Variants in UNC13B observed in about 807,000 individuals in gnomAD.
UNC13B encodes protein unc-13 homolog B.
Under a neutral mutation model 211.0 loss-of-function variants are expected in UNC13B, and 144 were observed. That is an observed-to-expected ratio of 0.68 (90% CI 0.60 to 0.78). UNC13B has a LOEUF of 0.78. Among genes scored for constraint, UNC13B ranks in the 30% least tolerant of loss-of-function variants. The pLI, the probability that UNC13B is intolerant of heterozygous loss-of-function variation, is 0.00. For synonymous variants in UNC13B, 709 were observed against 725.8 expected (o/e 0.98, Z 0.37); for missense variants, 1,777 against 2,002.0 (o/e 0.89, Z 2.14).
At chr9:35,249,093 C>T (rs1410229607) in intron 6 of UNC13B, among the ~76,000 whole-genome samples, 2 of 151,990 alleles carry the variant, frequency 1.3e-5, no homozygotes, top group Non-Finnish European at 2.9e-5. Flanking sequence ...TGAATTGATC[C>T]CTTTCCCATT....
chr9:35,364,667 A>G (rs1833661366), intron 11 of UNC13B: 9 of 1,284,826 alleles, frequency 7.0e-6, no homozygotes, highest in Admixed American at 2.2e-5. Context: ...GTGTGTGTAC[A>G]TGCACATGTG....
intron 11 of UNC13B, among the ~76,000 whole-genome samples, chr9:35,317,942 A>C (rs1054025108): frequency 6.6e-6 from 1 of 152,144 alleles, no homozygotes; most frequent in African/African-American, 2.4e-5. Flanking sequence ...TCTTCCTATA[A>C]AGCAAAGCAA....
At chr9:35,353,185 C>T (rs1214133847) in intron 11 of UNC13B, 16 of 1,231,922 alleles carry the variant, frequency 1.3e-5, no homozygotes, top group Middle Eastern at 3.1e-4. Flanking sequence ...GTGCTGCTCA[C>T]GTCCTCAAGG....
intron 2 of UNC13B, among the ~76,000 whole-genome samples, chr9:35,228,444 G>A (rs956926550): frequency 1.3e-5 from 2 of 151,734 alleles, no homozygotes; most frequent in East Asian, 1.9e-4. Context: ...CCATTAACTC[G>A]TCATTTACAT....
chr9:35,361,583 A>G (rs1833415631), intron 11 of UNC13B: 1 of 152,246 alleles, frequency 6.6e-6, no homozygotes, highest in Non-Finnish European at 1.5e-5. Context: ...CCCTCAGGCT[A>G]CAAAGGTGAA....
intron 11 of UNC13B, among the ~76,000 whole-genome samples, chr9:35,355,465 A>T (rs1832966894): frequency 1.3e-5 from 2 of 152,214 alleles, no homozygotes; most frequent in African/African-American, 4.8e-5. Flanking sequence ...AACTTATCAA[A>T]AAGAGTCTAA....
At chr9:35,195,987 C>T (rs1173304589) in intron 1 of UNC13B, among the ~76,000 whole-genome samples, 2 of 152,184 alleles carry the variant, frequency 1.3e-5, no homozygotes, top group Admixed American at 6.5e-5. Flanking sequence ...CATATACATG[C>T]ATACATATAT....
chr9:35,398,336 G>A (rs1163828356), intron 31 of UNC13B, 48 bp downstream of exon 31: 2 of 1,583,394 alleles, frequency 1.3e-6, no homozygotes, highest in Non-Finnish European at 1.7e-6. Context: ...TTATTCCTGA[G>A]CTCCTTGGCC....
At chr9:35,371,636 C>A (rs1231367798) in intron 13 of UNC13B, among the ~76,000 whole-genome samples, 1 of 151,800 alleles carries the variant, frequency 6.6e-6, no homozygotes, top group Non-Finnish European at 1.5e-5. Flanking sequence ...TTTTCCTCAT[C>A]CTTTCTCACT....
intron 1 of UNC13B, among the ~76,000 whole-genome samples, chr9:35,210,684 C>T (rs574253208): frequency 2.7e-4 from 41 of 151,650 alleles, no homozygotes; most frequent in Non-Finnish European, 5.6e-4. Context: ...CCACCATGCC[C>T]GGCTAATTTT....
intron 7 of UNC13B, among the ~76,000 whole-genome samples, chr9:35,281,671 C>T (rs761405147): frequency 1.3e-5 from 2 of 152,148 alleles, no homozygotes; most frequent in Non-Finnish European, 2.9e-5. Flanking sequence ...TGGATTTTGA[C>T]AAATGTGTGA....
chr9:35,338,082 A>G (rs1831767503), intron 11 of UNC13B, among the ~76,000 whole-genome samples: 1 of 152,206 alleles, frequency 6.6e-6, no homozygotes, highest in Admixed American at 6.5e-5. Context: ...CATTAGTCCT[A>G]AATCTGGGAG....
intron 5 of UNC13B, 76 bp downstream of exon 5, chr9:35,237,902 T>C: frequency 6.8e-7 from 1 of 1,461,402 alleles, no homozygotes; most frequent in South Asian, 1.3e-5. Context: ...TTCATTAATG[T>C]ATATTTTGTC....
intron 11 of UNC13B, among the ~76,000 whole-genome samples, chr9:35,327,305 G>A (rs564531022): frequency 6.6e-6 from 1 of 152,320 alleles, no homozygotes; most frequent in East Asian, 1.9e-4. Flanking sequence ...GAAGTCCCAT[G>A]CATGATAGGC....
intron 22 of UNC13B, chr9:35,384,844 G>A: frequency 1.3e-6 from 1 of 753,460 alleles, no homozygotes; most frequent in Non-Finnish European, 1.6e-6. Context: ...TAAGGAAATG[G>A]GCAGTTTCTT....
In UNC13B at chr9:35,399,406, C is replaced by T. The variant is rs759674522; in HGVS notation, c.12213C>T (p.Ile4071=). ...PLTDQTGTQL[I]FTAAKELSHL... ...TCTCTGCCCAGGGCACCCAGCTGAT[C>T]TTCACTGCTGCCAAGGAGCTGAGCC... Residue 4071 remains isoleucine (I), a synonymous_variant, in exon 35 of 40, where the codon ATC becomes ATT. Coordinates refer to ENST00000635942, the MANE Select transcript of UNC13B (RefSeq NM_001371189.2). The T allele has an allele frequency of 4.3e-6, 7 of 1,614,032 alleles. No individual in the cohort carries two copies. The African/African-American group carries it at 9.3e-5, about 22-fold the overall frequency.
At chr9:35,294,531 C>T (rs560839553) in intron 7 of UNC13B, among the ~76,000 whole-genome samples, 190 of 152,310 alleles carry the variant, frequency 1.2e-3, no homozygotes, top group African/African-American at 4.4e-3. Context: ...GTCTTGAACT[C>T]CTGACCTCAG....
chr9:35,332,031 G>A lies in UNC13B; in HGVS notation c.9414+18042G>A, dbSNP rs532570738. 2.0e-4 allele frequency among the ~76,000 whole-genome samples: 30 copies of A among 151,866 alleles called. No homozygotes were observed. The South Asian group carries it at 6.1e-3, about 31-fold the overall frequency. On this transcript the variant is annotated intron_variant, in intron 11 of 39. Transcript: ENST00000635942. ...CGGAGTCTTGCTCTTGCCCAGGCTG[G>A]AGTGCAATGGTGCGATCTCAGCTCA...
intron 7 of UNC13B, among the ~76,000 whole-genome samples, chr9:35,277,099 C>T (rs529909626): frequency 2.6e-5 from 4 of 152,102 alleles, no homozygotes; most frequent in African/African-American, 9.6e-5. Context: ...GTTTTGCTGT[C>T]TGATATGTTA....
Sources: gnomAD v4.1 joint callset for allele counts (sites outside exome capture counted in the v4.1 genomes callset) on GRCh38, gnomAD v4.1.1 for gene constraint, MANE v1.5 for transcripts, NCBI Gene and HGNC (gene_info 2026-07-23, HGNC 2026-07-21) for gene names.